Variants in ARHGAP11B observed in about 807,000 individuals in gnomAD.
ARHGAP11B encodes inactive Rho GTPase-activating protein 11B.
ARHGAP11B carries 14 observed loss-of-function variants against 27.6 expected under a neutral mutation model. The ratio of observed to expected loss-of-function variants is 0.51; its 90% confidence interval spans 0.34 to 0.79. The LOEUF (loss-of-function observed/expected upper bound fraction) is 0.79. ARHGAP11B is among the 30% of genes least tolerant of loss of function. The pLI is 0.02. For missense variants in ARHGAP11B, 245 were observed against 320.1 expected, an observed-to-expected ratio of 0.77 and a Z score of 1.79; for synonymous variants, 82 against 114.1, an observed-to-expected ratio of 0.72 and a Z score of 1.80.
intron 1 of ARHGAP11B, among the ~76,000 whole-genome samples, chr15:30,627,580 A>G (rs1044473796): frequency 5.3e-5 from 8 of 151,366 alleles, no homozygotes; most frequent in Non-Finnish European, 8.8e-5. Context: ...TTTTTTTTGT[A>G]TGAGTAAATT....
intron 8 of ARHGAP11B, among the ~76,000 whole-genome samples, chr15:30,645,878 A>G (rs780853717): frequency 2.0e-5 from 3 of 152,042 alleles, no homozygotes; most frequent in South Asian, 2.1e-4. Context: ...CATCTGCTTT[A>G]TTTGAAAGCA....
chr15:30,645,266 C>G (rs934547986), intron 8 of ARHGAP11B, among the ~76,000 whole-genome samples: 1 of 151,632 alleles, frequency 6.6e-6, no homozygotes, highest in Non-Finnish European at 1.5e-5. Context: ...AGCTGTTAAA[C>G]TCAATTTGGG....
intron 8 of ARHGAP11B, among the ~76,000 whole-genome samples, chr15:30,645,306 T>A (rs2060340424): frequency 6.6e-6 from 1 of 151,946 alleles, no homozygotes; most frequent in Non-Finnish European, 1.5e-5. Flanking sequence ...TAGATTAGAA[T>A]CTATGATTTG....
chr15:30,629,608 C>A (rs1021414263), intron 1 of ARHGAP11B, among the ~76,000 whole-genome samples: 1 of 152,022 alleles, frequency 6.6e-6, no homozygotes, highest in Non-Finnish European at 1.5e-5. Flanking sequence ...TAAGCCCTTA[C>A]CATACTATAC....
In ARHGAP11B at chr15:30,635,467, T is replaced by A. The variant is rs368349923; in HGVS notation, c.661-20T>A. The A allele has an allele frequency of 1.9e-6, 3 of 1,611,000 alleles. No individual in the cohort carries two copies. In the African/African-American group the frequency reaches 4.0e-5, roughly 22 times the overall value. On this transcript the variant is annotated intron_variant, in intron 5 of 10. Coordinates refer to ENST00000428041, the Ensembl canonical transcript of ARHGAP11B. ...GGAGGAAGGATAATAATTGTCTTAC[T>A]TGTGAACATTTTCATTTAGGGCGTG...
chr15:30,635,031 C>A, intron 4 of ARHGAP11B, 49 bp from the exon 5 acceptor site: 2 of 1,571,850 alleles, frequency 1.3e-6, no homozygotes, highest in South Asian at 1.1e-5. Context: ...TTTAACTCTT[C>A]TGTATTTTCA....
exon 11 of ARHGAP11B, among the ~76,000 whole-genome samples, chr15:30,648,520 C>G (rs1425056935): frequency 6.6e-6 from 1 of 151,944 alleles, no homozygotes; most frequent in Non-Finnish European, 1.5e-5. Context: ...ATTGCTGAGT[C>G]GAAGTTTCCT....
At chr15:30,648,883 C>T (rs541009171) in exon 11 of ARHGAP11B, 2 of 151,826 alleles carry the variant, frequency 1.3e-5, no homozygotes, top group East Asian at 3.9e-4. Context: ...TGTTACTCTC[C>T]CAAAGTAAAA....
At chr15:30,643,963 C>G (rs1479269074) in intron 7 of ARHGAP11B, among the ~76,000 whole-genome samples, 5 of 151,990 alleles carry the variant, frequency 3.3e-5, no homozygotes, top group Non-Finnish European at 7.4e-5. Context: ...TGTGCACTTT[C>G]CAATTCATGC....
At chr15:30,630,869 C>T (rs375932685) in intron 2 of ARHGAP11B, 96 bp downstream of exon 2, 123 of 1,600,016 alleles carry the variant, frequency 7.7e-5, no homozygotes, top group East Asian at 6.1e-4. Context: ...CACTTGAGTC[C>T]GGGAGCTTAA....
rs139974482 is a variant in ARHGAP11B, at chr15:30,633,786, T to G, written c.297+200T>G. ...CTTTAAAAATTTAATAGGGTACTTT[T>G]AAATTCATGGTCCTTATTTCTATCA... is the stretch of plus-strand genomic sequence containing the variant. On this transcript the variant is annotated intron_variant, in intron 3 of 10. Coordinates refer to ENST00000428041, the Ensembl canonical transcript of ARHGAP11B. Among the ~76,000 whole-genome samples, 525 of 152,078 alleles carry G rather than the reference T, an allele frequency of 3.5e-3. 6 individuals are homozygous for G. The highest frequency in any genetic ancestry group is 6.0e-3 in the Non-Finnish European group (407 of 67,956).
exon 11 of ARHGAP11B, among the ~76,000 whole-genome samples, chr15:30,648,490 G>T (rs1215408041): frequency 2.0e-5 from 3 of 152,072 alleles, no homozygotes; most frequent in South Asian, 2.1e-4. Flanking sequence ...AAAGATCTGT[G>T]TTCTGGGCCA....
intron 2 of ARHGAP11B, among the ~76,000 whole-genome samples, chr15:30,631,066 G>T (rs1036793935): frequency 1.3e-5 from 2 of 151,186 alleles, no homozygotes; most frequent in African/African-American, 4.9e-5. Context: ...ATTTCAAACT[G>T]GTTTTAGAGA....
intron 7 of ARHGAP11B, chr15:30,644,517 G>C (rs1226655178): frequency 1.8e-6 from 1 of 566,816 alleles, no homozygotes; most frequent in African/African-American, 1.9e-5. Flanking sequence ...ATTGTTTTTG[G>C]TAACAAATTT....
At chr15:30,629,373 C>A (rs868659419) in intron 1 of ARHGAP11B, among the ~76,000 whole-genome samples, 2 of 150,210 alleles carry the variant, frequency 1.3e-5, no homozygotes, top group African/African-American at 4.9e-5. Flanking sequence ...GAACCCCCCC[C>A]GCCCCACGTC....
chr15:30,632,812 C>T (rs1036740603), intron 2 of ARHGAP11B, among the ~76,000 whole-genome samples: 1 of 151,918 alleles, frequency 6.6e-6, no homozygotes, highest in Admixed American at 6.6e-5. Context: ...AAAAACCTCG[C>T]CCTGTTTTTG....
chr15:30,640,873 C>G lies in ARHGAP11B; in HGVS notation c.*78+2053C>G, dbSNP rs1176368171. 2.6e-5 allele frequency among the ~76,000 whole-genome samples: 4 copies of G among 151,398 alleles called. No individual in the cohort carries two copies. In the East Asian group the frequency reaches 7.8e-4, roughly 29 times the overall value. On this transcript the variant is annotated intron_variant, in intron 7 of 10. Coordinates refer to ENST00000428041, the Ensembl canonical transcript of ARHGAP11B. ...TTTTGCAGTGTTCACAGGTTGGAGA[C>G]TTAAACTTTTTTAAGTAACATAGTT... is the stretch of plus-strand genomic sequence containing the variant.
intron 2 of ARHGAP11B, among the ~76,000 whole-genome samples, chr15:30,631,745 A>C (rs1185300691): frequency 6.6e-6 from 1 of 152,156 alleles, no homozygotes; most frequent in Non-Finnish European, 1.5e-5. Context: ...TGTATCACTT[A>C]GCTTTTCTAT....
At chr15:30,644,273 A>G (rs2060332599) in intron 7 of ARHGAP11B, among the ~76,000 whole-genome samples, 1 of 151,952 alleles carries the variant, frequency 6.6e-6, no homozygotes, top group Non-Finnish European at 1.5e-5. Context: ...TGTGTCTTTT[A>G]TATTTTTGTA....
Sources: gnomAD v4.1 joint callset for allele counts (sites outside exome capture counted in the v4.1 genomes callset) on GRCh38, gnomAD v4.1.1 for gene constraint, MANE v1.5 for transcripts, NCBI Gene and HGNC (gene_info 2026-07-23, HGNC 2026-07-21) for gene names.